Variants in ANGPT1 observed in about 807,000 individuals in gnomAD.
The protein encoded by ANGPT1 is angiopoietin 1, also known as angiopoietin-1.
ANGPT1 carries 17 observed loss-of-function variants against 62.2 expected under a neutral mutation model. The ratio of observed to expected loss-of-function variants is 0.27; its 90% CI spans 0.19 to 0.41. The LOEUF (loss-of-function observed/expected upper bound fraction) is 0.41, where lower values mean the gene tolerates loss of function less well. Among genes scored for constraint, ANGPT1 ranks in the 10% least tolerant of loss-of-function variants. The pLI, the probability that ANGPT1 is intolerant of heterozygous loss-of-function variation, is 1.00. For synonymous variants in ANGPT1, 199 were observed against 198.9 expected (o/e 1.00, Z 0.00); for missense variants, 478 against 594.9 (o/e 0.80, Z 2.04).
chr8:107,442,054 A>T (rs1014074207), intron 1 of ANGPT1, among the ~76,000 whole-genome samples: 3 of 152,092 alleles, frequency 2.0e-5, no homozygotes, highest in African/African-American at 7.2e-5. Context: ...ATCGCACTCC[A>T]GCCTCGGTGA....
intron 7 of ANGPT1, among the ~76,000 whole-genome samples, chr8:107,264,985 T>C (rs1207770588): frequency 2.6e-5 from 4 of 152,222 alleles, no homozygotes; most frequent in African/African-American, 9.6e-5. Flanking sequence ...TACCAGTTAT[T>C]GATCTAGGCA....
chr8:107,357,343 T>G (rs1389839175), intron 1 of ANGPT1, among the ~76,000 whole-genome samples: 1 of 152,208 alleles, frequency 6.6e-6, no homozygotes, highest in Non-Finnish European at 1.5e-5. Context: ...AAGGGATCTT[T>G]TTTTAACTAA....
intron 1 of ANGPT1, among the ~76,000 whole-genome samples, chr8:107,455,956 G>A (rs1001650996): frequency 6.6e-6 from 1 of 152,004 alleles, no homozygotes; most frequent in African/African-American, 2.4e-5. Flanking sequence ...TTTTTATAAG[G>A]ACAAGAAGTC....
At chr8:107,403,561 G>GA (rs980857523) in intron 1 of ANGPT1, among the ~76,000 whole-genome samples, 2 of 151,678 alleles carry the variant, frequency 1.3e-5, no homozygotes, top group African/African-American at 2.4e-5. Context: ...AGTATCACAT[G>GA]AAAAAAAATC....
At chr8:107,426,572 C>T (rs901341085) in intron 1 of ANGPT1, among the ~76,000 whole-genome samples, 1 of 152,132 alleles carries the variant, frequency 6.6e-6, no homozygotes, top group Non-Finnish European at 1.5e-5. Flanking sequence ...GTTTTTCCTT[C>T]CCCCCTCTAC....
At chr8:107,488,174 T>C (rs977718556) in intron 1 of ANGPT1, among the ~76,000 whole-genome samples, 1 of 152,214 alleles carries the variant, frequency 6.6e-6, no homozygotes, top group South Asian at 2.1e-4. Flanking sequence ...GTTTTTGAAA[T>C]TTACAATTGG....
chr8:107,467,367 G>A (rs917109921), intron 1 of ANGPT1, among the ~76,000 whole-genome samples: 1 of 151,540 alleles, frequency 6.6e-6, no homozygotes, highest in Admixed American at 6.6e-5. Context: ...GATTCTTACA[G>A]TTCTCAATGG....
intron 1 of ANGPT1, among the ~76,000 whole-genome samples, chr8:107,475,436 C>G (rs1308871046): frequency 1.3e-5 from 2 of 152,094 alleles, no homozygotes; most frequent in African/African-American, 4.8e-5. Flanking sequence ...AAAATTAATT[C>G]AAGATGGATT....
chr8:107,454,598 A>G (rs1405472656), intron 1 of ANGPT1, among the ~76,000 whole-genome samples: 1 of 152,044 alleles, frequency 6.6e-6, no homozygotes, highest in Non-Finnish European at 1.5e-5. Context: ...ACTTGCAAAT[A>G]GTATCACATA....
intron 1 of ANGPT1, among the ~76,000 whole-genome samples, chr8:107,492,716 C>T (rs577011796): frequency 1.3e-5 from 2 of 150,356 alleles, no homozygotes; most frequent in South Asian, 2.2e-4. Flanking sequence ...CTGACTGTTG[C>T]ACAGCCACCA....
At chr8:107,472,782 C>G (rs1812397003) in intron 1 of ANGPT1, among the ~76,000 whole-genome samples, 1 of 152,044 alleles carries the variant, frequency 6.6e-6, no homozygotes. Context: ...TACACACACT[C>G]ACACACACAT....
chr8:107,343,973 G>T (rs892871738), intron 2 of ANGPT1, among the ~76,000 whole-genome samples: 3 of 152,092 alleles, frequency 2.0e-5, no homozygotes, highest in Non-Finnish European at 4.4e-5. Flanking sequence ...GGAGTGGGAG[G>T]ATCACCTGAG....
At chr8:107,318,120 T>A (rs1815064004) in intron 4 of ANGPT1, among the ~76,000 whole-genome samples, 1 of 152,192 alleles carries the variant, frequency 6.6e-6, no homozygotes, top group Non-Finnish European at 1.5e-5. Flanking sequence ...GGGCAATATT[T>A]CTTTAGTGGA....
chr8:107,468,302 T>C (rs1812259095), intron 1 of ANGPT1, among the ~76,000 whole-genome samples: 1 of 152,018 alleles, frequency 6.6e-6, no homozygotes, highest in South Asian at 2.1e-4. Context: ...ATGGGGTACT[T>C]TCGTTGCCTT....
At position 107,372,631 on chromosome 8, in the gene ANGPT1, T is replaced by C. The variant is rs1324474084; in HGVS notation, c.298-25534A>G. On this transcript the variant is annotated intron_variant, in intron 1 of 8. Coordinates refer to ENST00000517746, the MANE Select transcript of ANGPT1 (RefSeq NM_001146.5). ...TGATCACGGCTGCTGTTTCTCGAAA[T>C]GTCTGCTCCTTAAAGACCATGGCCC... Among the ~76,000 whole-genome samples the C allele has an allele frequency of 6.6e-5, 10 of 152,012 alleles. No individual in the cohort carries two copies. The South Asian group carries it at 1.9e-3, about 28-fold the overall frequency.
At chr8:107,268,771 T>C (rs1442825170) in intron 7 of ANGPT1, among the ~76,000 whole-genome samples, 1 of 151,996 alleles carries the variant, frequency 6.6e-6, no homozygotes, top group East Asian at 1.9e-4. Flanking sequence ...AGATTAAGCA[T>C]TAAAACATAA....
chr8:107,438,272 T>C (rs1384504007), intron 1 of ANGPT1, among the ~76,000 whole-genome samples: 2 of 152,174 alleles, frequency 1.3e-5, no homozygotes, highest in East Asian at 3.9e-4. Flanking sequence ...TTCTTTGTCC[T>C]TCTTCTCCTT....
chr8:107,256,844 G>T (rs1174537697), intron 8 of ANGPT1, among the ~76,000 whole-genome samples: 1 of 150,732 alleles, frequency 6.6e-6, no homozygotes, highest in Non-Finnish European at 1.5e-5. Flanking sequence ...GTTTTGTTCT[G>T]TTTTTTTTTT....
At chr8:107,362,572 C>G (rs1021940244) in intron 1 of ANGPT1, among the ~76,000 whole-genome samples, 2 of 152,182 alleles carry the variant, frequency 1.3e-5, no homozygotes, top group African/African-American at 4.8e-5. Flanking sequence ...GTATCATCAT[C>G]ATTATCTCCA....
Sources: allele counts gnomAD v4.1 joint callset (sites outside exome capture counted in the v4.1 genomes callset), GRCh38; gene constraint gnomAD v4.1.1; transcripts MANE v1.5; gene names NCBI Gene and HGNC (gene_info 2026-07-23, HGNC 2026-07-21).